IFT80: variants seen among roughly 807,000 people sequenced by gnomAD.
IFT80 encodes the protein intraflagellar transport 80.
IFT80 carries 79 observed loss-of-function variants against 107.9 expected under a neutral mutation model. The observed-to-expected ratio is 0.73, with a 90% CI of 0.61 to 0.88. IFT80 has a LOEUF of 0.88. Ranked by LOEUF, IFT80 falls within the 40% of genes least tolerant of loss-of-function variation. The pLI is 0.00. For synonymous variants in IFT80, 299 were observed against 300.9 expected, an observed-to-expected ratio of 0.99 and a Z score of 0.07; for missense variants, 797 against 914.2, an observed-to-expected ratio of 0.87 and a Z score of 1.65.
At chr3:160,283,324 A>T (rs1714835553) in intron 13 of IFT80, among the ~76,000 whole-genome samples, 1 of 152,222 alleles carries the variant, frequency 6.6e-6, no homozygotes. Context: ...ACCAAGCAAG[A>T]TTTATTTACC....
At chr3:160,352,513 A>G (rs917987882) in intron 8 of IFT80, among the ~76,000 whole-genome samples, 1 of 152,172 alleles carries the variant, frequency 6.6e-6, no homozygotes, top group African/African-American at 2.4e-5. Flanking sequence ...CATCTCACTA[A>G]GTCTTCCTTC....
At chr3:160,279,089 T>C in intron 16 of IFT80, 104 bp downstream of exon 16, 3 of 844,778 alleles carry the variant, frequency 3.6e-6, no homozygotes, top group Non-Finnish European at 3.8e-6. Flanking sequence ...CATGATCTTA[T>C]TCACAATTTT....
At chr3:160,322,577 T>C (rs1313233217) in intron 8 of IFT80, among the ~76,000 whole-genome samples, 1 of 152,130 alleles carries the variant, frequency 6.6e-6, no homozygotes, top group Non-Finnish European at 1.5e-5. Flanking sequence ...GGTCAAATGG[T>C]ATTTCTAGTT....
intron 12 of IFT80, among the ~76,000 whole-genome samples, chr3:160,287,545 G>A (rs527495097): frequency 6.6e-6 from 1 of 152,316 alleles, no homozygotes; most frequent in African/African-American, 2.4e-5. Flanking sequence ...GGCAGGGGAT[G>A]AAGAACTTCT....
At chr3:160,384,024 C>T in intron 2 of IFT80, 1 of 717,190 alleles carries the variant, frequency 1.4e-6, no homozygotes, top group Non-Finnish European at 1.7e-6. Flanking sequence ...GCGGGTGGAT[C>T]ACCTGAGGTC....
intron 12 of IFT80, among the ~76,000 whole-genome samples, chr3:160,300,508 A>C (rs1716339426): frequency 6.6e-6 from 1 of 152,176 alleles, no homozygotes; most frequent in South Asian, 2.1e-4. Flanking sequence ...ATGAAGTGCA[A>C]TATTTACTAT....
intron 11 of IFT80, among the ~76,000 whole-genome samples, chr3:160,303,374 G>C (rs1479388680): frequency 6.6e-6 from 1 of 152,046 alleles, no homozygotes; most frequent in African/African-American, 2.4e-5. Context: ...GCATTTCTTA[G>C]TCCTGTATAC....
chr3:160,375,466 T>A (rs987456917), intron 5 of IFT80, among the ~76,000 whole-genome samples: 12 of 152,180 alleles, frequency 7.9e-5, no homozygotes, highest in Non-Finnish European at 1.3e-4. Flanking sequence ...TTTCGTACTA[T>A]GATTTACTTA....
intron 8 of IFT80, among the ~76,000 whole-genome samples, chr3:160,341,344 A>T (rs1576835806): frequency 6.9e-5 from 2 of 29,194 alleles, no homozygotes; most frequent in Non-Finnish European, 7.9e-5. Flanking sequence ...AACAATGATT[A>T]AAAAAAAAAA....
At chr3:160,322,002 T>TA (rs1553759038) in intron 8 of IFT80, among the ~76,000 whole-genome samples, 123 of 135,776 alleles carry the variant, frequency 9.1e-4, no homozygotes, top group African/African-American at 3.5e-3. Flanking sequence ...ATTGTCAGCT[T>TA]GTTATTTATT....
chr3:160,284,220 T>G (rs1004756870), intron 13 of IFT80, among the ~76,000 whole-genome samples: 1 of 152,092 alleles, frequency 6.6e-6, no homozygotes, highest in Admixed American at 6.5e-5. Flanking sequence ...TAAATTAAAT[T>G]ATTTTAATTG....
At chr3:160,300,833 G>T (rs775951558) in intron 12 of IFT80, 50 bp downstream of exon 12, 1 of 1,420,392 alleles carries the variant, frequency 7.0e-7, no homozygotes, top group South Asian at 1.2e-5. Context: ...AAATTTTATA[G>T]TGTTAACAAA....
chr3:160,364,655 T>C (rs1721736005), intron 6 of IFT80, among the ~76,000 whole-genome samples: 1 of 152,178 alleles, frequency 6.6e-6, no homozygotes. Context: ...ATATACACCA[T>C]GGAATACTAT....
intron 6 of IFT80, among the ~76,000 whole-genome samples, chr3:160,361,354 A>G (rs1435437386): frequency 1.3e-5 from 2 of 152,242 alleles, no homozygotes; most frequent in Non-Finnish European, 2.9e-5. Context: ...CACCCAATAC[A>G]GGAGCACCCA....
chr3:160,378,883 A>C (rs1457275930), intron 3 of IFT80, among the ~76,000 whole-genome samples: 1 of 152,134 alleles, frequency 6.6e-6, no homozygotes, highest in African/African-American at 2.4e-5. Flanking sequence ...AGTTGGAAAA[A>C]TCACCATTTG....
At chr3:160,271,656 T>C (rs1713816393) in intron 18 of IFT80, among the ~76,000 whole-genome samples, 1 of 152,152 alleles carries the variant, frequency 6.6e-6, no homozygotes, top group Non-Finnish European at 1.5e-5. Context: ...CCAGCAAGAC[T>C]ATGCTTCTCA....
At chr3:160,355,604 G>T (rs554818005) in intron 8 of IFT80, among the ~76,000 whole-genome samples, 4 of 151,056 alleles carry the variant, frequency 2.6e-5, no homozygotes, top group Non-Finnish European at 4.4e-5. Context: ...AATTTCTTAC[G>T]CAAAATATGC....
At chr3:160,387,452 C>T (rs934025261) in intron 1 of IFT80, among the ~76,000 whole-genome samples, 3 of 152,032 alleles carry the variant, frequency 2.0e-5, no homozygotes, top group East Asian at 3.9e-4. Flanking sequence ...TGCAGTGAGC[C>T]GAGATCACGC....
rs370762698 is a variant in IFT80 at position 160,276,276 on chromosome 3, A to AATAGTATAG, written c.2099+1021_2099+1029dup. Among the ~76,000 whole-genome samples the AATAGTATAG allele has an allele frequency of 5.6e-3, 860 of 152,314 alleles. 7 individuals are homozygous for AATAGTATAG. Among genetic ancestry groups the AATAGTATAG allele is most frequent in the African/African-American group, 0.02 (833 of 41,562 alleles). On this transcript the variant is annotated intron_variant, in intron 18 of 19. Transcript: ENST00000326448. ...AAAAATAGAGTAGCTAAATTATATG[A>AATAGTATAG]ATAGTATAGATCATTAGCCATAAAT...
Sources: allele counts gnomAD v4.1 joint callset (sites outside exome capture counted in the v4.1 genomes callset), GRCh38; gene constraint gnomAD v4.1.1; transcripts MANE v1.5; gene names NCBI Gene and HGNC (gene_info 2026-07-23, HGNC 2026-07-21).